Variants in BCL2L11 observed in about 807,000 individuals in gnomAD.
BCL2L11 encodes BCL2 like 11.
In BCL2L11, 15 loss-of-function variants were observed where a neutral mutation model predicts 20.6. The ratio of observed to expected loss-of-function variants is 0.73; its 90% confidence interval spans 0.49 to 1.12. The LOEUF (loss-of-function observed/expected upper bound fraction) is 1.12. Ranked by LOEUF, BCL2L11 falls within the 50% of genes most tolerant of loss-of-function variation. The pLI is 0.00. For synonymous variants in BCL2L11, 108 were observed against 92.8 expected (o/e 1.16, Z -0.94); for missense variants, 292 against 260.9 (o/e 1.12, Z -0.82).
chr2:111,147,346 T>TCTCTCTCTCTCTCTCTCTCTCA (rs760779894), intron 2 of BCL2L11, among the ~76,000 whole-genome samples: 2 of 137,332 alleles, frequency 1.5e-5, no homozygotes, highest in African/African-American at 5.7e-5. Flanking sequence ...TCTCTCTCTC[T>TCTCTCTCTCTCTCTCTCTCTCA]CACACACACA....
At chr2:111,145,579 C>G (rs1161702170) in intron 2 of BCL2L11, among the ~76,000 whole-genome samples, 3 of 152,102 alleles carry the variant, frequency 2.0e-5, no homozygotes, top group Non-Finnish European at 4.4e-5. Context: ...TCACTATCAA[C>G]CACTTAACCA....
chr2:111,132,935 A>T (rs955579886), intron 2 of BCL2L11, among the ~76,000 whole-genome samples: 1 of 152,190 alleles, frequency 6.6e-6, no homozygotes, highest in Admixed American at 6.5e-5. Context: ...AGCCTTGGTA[A>T]AATAACCCAT....
intron 1 of BCL2L11, 128 bp from the exon 2 acceptor site, chr2:111,123,605 A>G: frequency 8.3e-7 from 1 of 1,207,932 alleles, no homozygotes; most frequent in South Asian, 4.1e-5. Flanking sequence ...GGAGATTGTC[A>G]GAAAAGTATA....
At chr2:111,125,715 A>G (rs1003487533) in intron 2 of BCL2L11, among the ~76,000 whole-genome samples, 2 of 151,622 alleles carry the variant, frequency 1.3e-5, no homozygotes, top group African/African-American at 4.8e-5. Flanking sequence ...GGGAGAAATG[A>G]CAGACATCCC....
chr2:111,132,363 C>G (rs1416246236), intron 2 of BCL2L11: 1 of 152,094 alleles, frequency 6.6e-6, no homozygotes, highest in African/African-American at 2.4e-5. Context: ...AGACTTGTAG[C>G]TAGGAAGTAA....
At chr2:111,136,442 A>T (rs1260877851) in intron 2 of BCL2L11, among the ~76,000 whole-genome samples, 2 of 152,084 alleles carry the variant, frequency 1.3e-5, no homozygotes, top group East Asian at 3.9e-4. Context: ...GGACCTGGGG[A>T]GATGGCTCCT....
intron 2 of BCL2L11, among the ~76,000 whole-genome samples, chr2:111,147,512 C>T (rs1179489378): frequency 2.0e-5 from 3 of 152,198 alleles, no homozygotes; most frequent in Non-Finnish European, 4.4e-5. Context: ...CGTTTATTTG[C>T]TTCTGCCAAA....
At position 111,166,888 on chromosome 2, in the gene BCL2L11, G is replaced by A. The variant is rs534421491; in HGVS notation, c.*2657G>A. On this transcript the variant is annotated 3_prime_UTR_variant, in exon 4 of 4. Coordinates refer to ENST00000393256, the MANE Select transcript of BCL2L11 (RefSeq NM_138621.5). ...TATATTGTGAGTATTTATTAGATTC[G>A]TAGGTCATATTACTTATCAACTGAG... The A allele has an allele frequency of 2.2e-4, 34 of 152,594 alleles. No individual in the cohort carries two copies. The highest frequency in any genetic ancestry group is 9.8e-4 in the Admixed American group (15 of 15,292). 9.5% of individuals were successfully genotyped at this position (152,594 alleles called of 1,614,324 possible).
chr2:111,130,003 G>T, intron 2 of BCL2L11: 1 of 292,908 alleles, frequency 3.4e-6, no homozygotes, highest in South Asian at 2.5e-5. Flanking sequence ...AGTTTGCTTA[G>T]CTATTCACCT....
In BCL2L11 at chr2:111,168,139, G is replaced by A. The variant is rs1364714675; in HGVS notation, c.*3908G>A. On this transcript the variant is annotated 3_prime_UTR_variant, in exon 4 of 4. Transcript: ENST00000393256. ...TGACTACTTTTATTTGGGAATTTCA[G>A]ACTATAGAAGCTCTCTTATGTTTTA... The A allele has an allele frequency of 6.6e-6, 1 of 150,830 alleles. No homozygotes were observed. The highest frequency in any genetic ancestry group is 1.5e-5 in the Non-Finnish European group (1 of 67,884). The allele number at this position is 150,830 out of a possible 1,614,324, so 9.3% of individuals were successfully genotyped here.
intron 3 of BCL2L11, among the ~76,000 whole-genome samples, chr2:111,158,976 T>G (rs1290581699): frequency 1.3e-5 from 2 of 152,222 alleles, no homozygotes; most frequent in Non-Finnish European, 2.9e-5. Flanking sequence ...TTGGGCCCAG[T>G]GGGTGTCAGC....
intron 1 of BCL2L11, chr2:111,123,233 A>G: frequency 1.0e-6 from 1 of 985,456 alleles, no homozygotes; most frequent in Non-Finnish European, 1.2e-6. Context: ...ACTACGACTG[A>G]CGGCCGCTGC....
intron 1 of BCL2L11, among the ~76,000 whole-genome samples, chr2:111,121,487 G>A (rs1356947727): frequency 6.6e-6 from 1 of 152,222 alleles, no homozygotes; most frequent in Non-Finnish European, 1.5e-5. Flanking sequence ...CAGGAGGAGA[G>A]GCAGCGCGTG....
intron 1 of BCL2L11, among the ~76,000 whole-genome samples, chr2:111,121,534 G>C (rs1240059505): frequency 6.6e-6 from 1 of 152,194 alleles, no homozygotes; most frequent in Non-Finnish European, 1.5e-5. Flanking sequence ...GGACCTGCTC[G>C]TAGTATCGGG....
chr2:111,136,975 A>G (rs1039988459), intron 2 of BCL2L11, among the ~76,000 whole-genome samples: 2 of 152,162 alleles, frequency 1.3e-5, no homozygotes, highest in South Asian at 2.1e-4. Context: ...CGTAATATCT[A>G]TTGCTGTAAC....
chr2:111,143,379 A>G (rs1382199997), intron 2 of BCL2L11, among the ~76,000 whole-genome samples: 3 of 152,156 alleles, frequency 2.0e-5, no homozygotes, highest in Non-Finnish European at 2.9e-5. Flanking sequence ...TTCCCAGGGG[A>G]TGTCATACAA....
At chr2:111,129,910 C>T (rs1164995167) in intron 2 of BCL2L11, among the ~76,000 whole-genome samples, 5 of 152,080 alleles carry the variant, frequency 3.3e-5, no homozygotes, top group African/African-American at 1.2e-4. Flanking sequence ...AGCATAATTC[C>T]CTTGAAATTA....
chr2:111,158,943 T>A (rs1446136385), intron 3 of BCL2L11, among the ~76,000 whole-genome samples: 1 of 152,208 alleles, frequency 6.6e-6, no homozygotes, highest in Non-Finnish European at 1.5e-5. Flanking sequence ...TATGTCTAGG[T>A]CTGTGTTGTA....
chr2:111,156,016 C>A lies in BCL2L11; in HGVS notation c.498+5869C>A, dbSNP rs138925176. ...TGTATGAATTTGAAATACTTATATGCTCTCCTTCTTGAGAAGTGAAATCCC... is the reference window on the plus strand; with the variant it reads ...TGTATGAATTTGAAATACTTATATGATCTCCTTCTTGAGAAGTGAAATCCC... On this transcript the variant is annotated intron_variant, in intron 3 of 3. Transcript: ENST00000393256. Among the ~76,000 whole-genome samples the A allele has an allele frequency of 6.6e-5, 10 of 152,296 alleles. No individual in the cohort carries two copies. The East Asian group carries it at 1.9e-3, about 29-fold the overall frequency.
Sources: allele counts gnomAD v4.1 joint callset (sites outside exome capture counted in the v4.1 genomes callset), GRCh38; gene constraint gnomAD v4.1.1; transcripts MANE v1.5; gene names NCBI Gene and HGNC (gene_info 2026-07-23, HGNC 2026-07-21).